Variants in STS observed in about 807,000 individuals in gnomAD.
The protein encoded by STS is steryl-sulfatase.
In STS, 7 loss-of-function variants were observed where a neutral mutation model predicts 26.8. The observed-to-expected ratio is 0.26, with a 90% CI of 0.15 to 0.49. STS has a LOEUF of 0.49. Ranked by LOEUF, STS falls within the 20% of genes least tolerant of loss-of-function variation. The pLI, the probability that STS is intolerant of heterozygous loss-of-function variation, is 0.98. For missense variants in STS, 434 were observed against 465.6 expected, an observed-to-expected ratio of 0.93 and a Z score of 0.63; for synonymous variants, 199 against 189.4, an observed-to-expected ratio of 1.05 and a Z score of -0.42.
At chrX:7,198,046 A>G (rs73627539) in intron 2 of STS, among the ~76,000 whole-genome samples, 94 of 111,457 alleles carry the variant, frequency 8.4e-4, no homozygotes, top group African/African-American at 3.0e-3. Context: ...TGACACCAAT[A>G]TAAAAAATGA....
At chrX:7,300,357 CATT>C (rs1450158493) in intron 7 of STS, among the ~76,000 whole-genome samples, 6 of 112,037 alleles carry the variant, frequency 5.4e-5, no homozygotes, top group South Asian at 3.7e-4. Context: ...AAATCAGTGT[CATT>C]ATATCTTGAG....
At chrX:7,238,428 A>G (rs973404954) in intron 2 of STS, among the ~76,000 whole-genome samples, 2 of 110,718 alleles carry the variant, frequency 1.8e-5, no homozygotes, top group Non-Finnish European at 3.8e-5. Context: ...GTTGACAGCT[A>G]GTTAGCAGCA....
intron 2 of STS, among the ~76,000 whole-genome samples, chrX:7,197,765 A>G (rs1312514149): frequency 9.0e-6 from 1 of 111,266 alleles, no homozygotes; most frequent in East Asian, 2.8e-4. Context: ...AGGAACACCT[A>G]ACTTTCTGGG....
At chrX:7,201,369 C>G (rs373273927) in intron 2 of STS, among the ~76,000 whole-genome samples, 5 of 111,917 alleles carry the variant, frequency 4.5e-5, no homozygotes, top group South Asian at 3.7e-4. Flanking sequence ...ACAAATATCA[C>G]TCCTTCAAGA....
chrX:7,313,543 G>A (rs1022460288), intron 8 of STS, among the ~76,000 whole-genome samples: 6 of 112,534 alleles, frequency 5.3e-5, no homozygotes, highest in Non-Finnish European at 1.1e-4. Flanking sequence ...AGTAGGCAAA[G>A]CTGCCTCTTC....
chrX:7,150,924 TG>T (rs1401267700), intron 1 of STS, among the ~76,000 whole-genome samples: 2 of 112,302 alleles, frequency 1.8e-5, no homozygotes, highest in Non-Finnish European at 3.8e-5. Context: ...TTTCCTTCCA[TG>T]AATTACAGTT....
intron 2 of STS, among the ~76,000 whole-genome samples, chrX:7,232,579 C>T (rs1922111944): frequency 9.0e-6 from 1 of 111,611 alleles, no homozygotes; most frequent in South Asian, 3.8e-4. Context: ...ATATAGCAGG[C>T]GAGCAGTTTC....
At chrX:7,176,646 C>T (rs1276773265) in intron 1 of STS, among the ~76,000 whole-genome samples, 1 of 108,311 alleles carries the variant, frequency 9.2e-6, no homozygotes, top group Non-Finnish European at 1.9e-5. Flanking sequence ...GGGGAAGCAA[C>T]ATGTCCTTCA....
At chrX:7,296,582 A>G (rs1925675135) in intron 7 of STS, among the ~76,000 whole-genome samples, 1 of 112,234 alleles carries the variant, frequency 8.9e-6, no homozygotes, top group Non-Finnish European at 1.9e-5. Context: ...GAAGGAGTAT[A>G]GTTCCACAGA....
At chrX:7,214,615 G>C (rs1324324716) in intron 2 of STS, among the ~76,000 whole-genome samples, 1 of 110,331 alleles carries the variant, frequency 9.1e-6, no homozygotes, top group Non-Finnish European at 1.9e-5. Context: ...TTCTCTGGTG[G>C]TGATTTGTGA....
intron 1 of STS, among the ~76,000 whole-genome samples, chrX:7,175,179 T>TAAAAAA (rs143220502): frequency 2.4e-5 from 1 of 42,084 alleles, no homozygotes; most frequent in Non-Finnish European, 4.1e-5. Context: ...TCTGAGCTGG[T>TAAAAAA]AAAAAAAAAA....
intron 1 of STS, among the ~76,000 whole-genome samples, chrX:7,154,749 C>G (rs1205285575): frequency 2.7e-5 from 3 of 110,391 alleles, no homozygotes; most frequent in African/African-American, 9.9e-5. Flanking sequence ...AGGACCACAA[C>G]GTGAATAGAT....
At chrX:7,154,741 G>T (rs1183622197) in intron 1 of STS, among the ~76,000 whole-genome samples, 1 of 111,250 alleles carries the variant, frequency 9.0e-6, no homozygotes, top group African/African-American at 3.3e-5. Context: ...AAGCAATCAG[G>T]ACCACAACGT....
chrX:7,214,456 C>T (rs1346292251), intron 2 of STS, among the ~76,000 whole-genome samples: 1 of 112,435 alleles, frequency 8.9e-6, no homozygotes, highest in Non-Finnish European at 1.9e-5. Context: ...TGAGTCAGTA[C>T]ACTACTCCTG....
intron 1 of STS, among the ~76,000 whole-genome samples, chrX:7,176,591 C>G (rs1933574346): frequency 9.1e-6 from 1 of 109,750 alleles, no homozygotes; most frequent in Non-Finnish European, 1.9e-5. Context: ...ACTCATAGTT[C>G]CACATGGCTG....
intron 2 of STS, among the ~76,000 whole-genome samples, chrX:7,211,465 C>T (rs1215348801): frequency 8.1e-5 from 9 of 111,548 alleles, no homozygotes; most frequent in African/African-American, 2.3e-4. Flanking sequence ...GTCTGTGGAC[C>T]CCACAGGAAG....
At position 7,260,751 on chromosome X, in the gene STS, A is replaced by T. The variant is rs192773260; in HGVS notation, c.806+979A>T. Among the ~76,000 whole-genome samples, 15 of 112,151 alleles carry T rather than the reference A, an allele frequency of 1.3e-4. No homozygotes were observed. The East Asian group carries it at 4.2e-3, about 31-fold the overall frequency. On this transcript the variant is annotated intron_variant, in intron 6 of 10. Coordinates refer to ENST00000674429, the MANE Select transcript of STS (RefSeq NM_001320752.2). ...TTCAAATGTGGCCATCAAGAGAGGC[A>T]AGATAATGGCTTATGTTTAGTTTAT...
Position 7,305,074 on chromosome X carries a change from G to A in STS, c.972G>A (p.Leu324=). Residue 324 remains leucine, a synonymous_variant, in exon 8 of 11, where the codon CTG becomes CTA. Transcript: ENST00000674429. ...VGQILNLLDE[L]RLANDTLIYF... is the part of the protein sequence containing the mutation. ...AGATCTTGAACCTTCTGGATGAGCTGAGATTGGCTAATGATACCCTCATCT... is the reference window on the plus strand; with the variant it reads ...AGATCTTGAACCTTCTGGATGAGCTAAGATTGGCTAATGATACCCTCATCT... 1 of 1,211,156 alleles carries A rather than the reference G, an allele frequency of 8.3e-7. No homozygotes were observed. The highest frequency in any genetic ancestry group is 1.1e-6 in the Non-Finnish European group (1 of 894,997).
intron 2 of STS, among the ~76,000 whole-genome samples, chrX:7,214,157 T>C (rs1264581448): frequency 8.9e-6 from 1 of 112,409 alleles, no homozygotes. Flanking sequence ...GCATGCCTGA[T>C]ACATGGTAGG....
Sources: allele counts gnomAD v4.1 joint callset (sites outside exome capture counted in the v4.1 genomes callset), GRCh38; gene constraint gnomAD v4.1.1; transcripts MANE v1.5; gene names NCBI Gene and HGNC (gene_info 2026-07-23, HGNC 2026-07-21).